Variants in KIRREL3 observed in about 807,000 individuals in gnomAD.
KIRREL3 encodes the protein kirre like nephrin family adhesion molecule 3, also known as kin of IRRE-like protein 3.
A neutral mutation model predicts 89.7 loss-of-function variants in KIRREL3; 36 were observed. That is an observed-to-expected ratio of 0.40 (90% CI 0.31 to 0.53). The LOEUF (loss-of-function observed/expected upper bound fraction) is 0.53, where lower values mean the gene tolerates loss of function less well. Ranked by LOEUF, KIRREL3 falls within the 20% of genes least tolerant of loss-of-function variation. The pLI, the probability that KIRREL3 is intolerant of heterozygous loss-of-function variation, is 0.49. For missense variants in KIRREL3, 864 were observed against 1,056.6 expected (o/e 0.82, Z 2.53); for synonymous variants, 445 against 441.4 (o/e 1.01, Z -0.10).
rs566853766 is a variant in KIRREL3 at position 126,739,176 on chromosome 11, G to A, written c.56-176264C>T. ...GCTCCAAAGCCAAACCCTTCCACCCGTTCCGTGCTATTGTTGGAGATGTGA... is the reference window on the plus strand; with the variant it reads ...GCTCCAAAGCCAAACCCTTCCACCCATTCCGTGCTATTGTTGGAGATGTGA... On this transcript the variant is annotated intron_variant, in intron 1 of 16. Coordinates refer to ENST00000525144, the MANE Select transcript of KIRREL3 (RefSeq NM_032531.4). The surrounding 1 kb of genome is among the most constrained non-coding windows in gnomAD (Gnocchi z 5.5). Among the ~76,000 whole-genome samples, 58 of 152,110 alleles carry A rather than the reference G, an allele frequency of 3.8e-4. No homozygotes were observed. Among genetic ancestry groups the A allele is most frequent in the Admixed American group, 9.8e-4 (15 of 15,304 alleles).
chr11:126,826,118 C>T, intron 1 of KIRREL3, among the ~76,000 whole-genome samples: 1 of 152,108 alleles, frequency 6.6e-6, no homozygotes, highest in East Asian at 1.9e-4. Context: ...ATTACGCTTG[C>T]CCCCAGCTCT....
intron 1 of KIRREL3, among the ~76,000 whole-genome samples, chr11:126,597,164 C>T (rs763927225): frequency 2.0e-5 from 3 of 152,218 alleles, no homozygotes; most frequent in Non-Finnish European, 4.4e-5. Flanking sequence ...ACTACCCACC[C>T]AATCAGAGCC....
chr11:126,646,894 C>G (rs563350542), intron 1 of KIRREL3, among the ~76,000 whole-genome samples: 3 of 152,114 alleles, frequency 2.0e-5, no homozygotes, highest in Admixed American at 1.3e-4. Flanking sequence ...GTTGAGACAA[C>G]GTTTTTCCCC....
intron 6 of KIRREL3, among the ~76,000 whole-genome samples, chr11:126,458,532 G>GC (rs1956447263): frequency 1.3e-5 from 2 of 152,216 alleles, no homozygotes; most frequent in Admixed American, 1.3e-4. Context: ...CTGCCTCCCT[G>GC]CCTAGTGCCA....
chr11:126,960,375 G>A (rs1949048500), intron 1 of KIRREL3, among the ~76,000 whole-genome samples: 1 of 152,118 alleles, frequency 6.6e-6, no homozygotes, highest in Admixed American at 6.5e-5. Flanking sequence ...ATCCAGCCGA[G>A]GACACTGAAC....
intron 2 of KIRREL3, among the ~76,000 whole-genome samples, chr11:126,536,328 T>C (rs908657789): frequency 6.6e-6 from 1 of 152,050 alleles, no homozygotes; most frequent in African/African-American, 2.4e-5. Context: ...CCATAGAGGC[T>C]GGGATCTGAC....
intron 4 of KIRREL3, among the ~76,000 whole-genome samples, chr11:126,479,647 G>A (rs1957168646): frequency 6.6e-6 from 1 of 152,202 alleles, no homozygotes; most frequent in Non-Finnish European, 1.5e-5. Flanking sequence ...TGCTATGAAG[G>A]GAAGGCTCAC....
intron 4 of KIRREL3, among the ~76,000 whole-genome samples, chr11:126,503,020 C>A (rs1314712209): frequency 6.6e-6 from 1 of 152,316 alleles, no homozygotes; most frequent in South Asian, 2.1e-4. Context: ...AAAAGCTTTG[C>A]AGCGCTTAAG....
At chr11:126,716,086 A>G (rs1306664819) in intron 1 of KIRREL3, among the ~76,000 whole-genome samples, 1 of 151,962 alleles carries the variant, frequency 6.6e-6, no homozygotes, top group African/African-American at 2.4e-5. Flanking sequence ...AAAGAAGGAA[A>G]AAGAAGAAAG....
chr11:126,534,208 G>T (rs892984784), intron 2 of KIRREL3, among the ~76,000 whole-genome samples: 1 of 151,778 alleles, frequency 6.6e-6, no homozygotes, highest in Non-Finnish European at 1.5e-5. Context: ...CATGCCCTGT[G>T]GGGGAGAAGA....
At position 126,877,917 on chromosome 11, in the gene KIRREL3, C is replaced by G. The variant is rs1405328247; in HGVS notation, c.55+122538G>C. ...CAGTTGCAGCGTGTTAAGGCTGGAA[C>G]TCCCCCCTAGAGACATAGTCCAAGC... On this transcript the variant is annotated intron_variant, in intron 1 of 16. Coordinates refer to ENST00000525144, the MANE Select transcript of KIRREL3 (RefSeq NM_032531.4). This position sits in a 1 kb window ranked among gnomAD's most constrained non-coding sequence, Gnocchi z 4.9. 6.6e-6 allele frequency among the ~76,000 whole-genome samples: 1 copy of G among 152,098 alleles called. No homozygotes were observed. Among genetic ancestry groups the G allele is most frequent in the Admixed American group, 6.5e-5 (1 of 15,278 alleles).
chr11:126,750,748 A>T lies in KIRREL3; in HGVS notation c.56-187836T>A, dbSNP rs151167060. ...TTATTTTATAGGTAAGGAAGCTGAG[A>T]CCTAGCTATATCACATGGATTGTCC... On this transcript the variant is annotated intron_variant, in intron 1 of 16. Transcript: ENST00000525144. The surrounding 1 kb of genome is among the most constrained non-coding windows in gnomAD (Gnocchi z 4.2). Among the ~76,000 whole-genome samples the T allele has an allele frequency of 2.4e-4, 36 of 152,334 alleles. 1 individual carries two copies. The East Asian group carries it at 6.8e-3, about 29-fold the overall frequency.
intron 1 of KIRREL3, among the ~76,000 whole-genome samples, chr11:126,960,924 T>C (rs781566000): frequency 2.0e-5 from 3 of 152,218 alleles, no homozygotes; most frequent in Non-Finnish European, 2.9e-5. Flanking sequence ...ATATTTCAAA[T>C]ACTTTCATTA....
At chr11:126,922,091 A>G (rs890884658) in intron 1 of KIRREL3, among the ~76,000 whole-genome samples, 12 of 147,198 alleles carry the variant, frequency 8.2e-5, no homozygotes, top group African/African-American at 3.0e-4. Context: ...TCATCTATCT[A>G]TATCTATCTA....
At chr11:126,854,683 C>T (rs1031919936) in intron 1 of KIRREL3, among the ~76,000 whole-genome samples, 6 of 152,160 alleles carry the variant, frequency 3.9e-5, no homozygotes, top group Admixed American at 6.5e-5. Flanking sequence ...GCCATGAACA[C>T]GGATGTACGA....
At chr11:126,616,500 A>C (rs528960186) in intron 1 of KIRREL3, among the ~76,000 whole-genome samples, 1 of 152,324 alleles carries the variant, frequency 6.6e-6, no homozygotes, top group Non-Finnish European at 1.5e-5. Flanking sequence ...TGGTTGTAGC[A>C]GTGGTAAGCA....
rs945376073 is a variant in KIRREL3 at position 126,477,976 on chromosome 11, C to T, written c.434-4510G>A. The stretch of plus-strand genomic sequence containing the variant: ...CAATGCTGGCAGAGTGGGTCTATCA[C>T]CAACACCAAACCCTCCAGGGGCTTC... On this transcript the variant is annotated intron_variant, in intron 4 of 16. Coordinates refer to ENST00000525144, the MANE Select transcript of KIRREL3 (RefSeq NM_032531.4). The surrounding 1 kb of genome is among the most constrained non-coding windows in gnomAD (Gnocchi z 4.8). Among the ~76,000 whole-genome samples the T allele has an allele frequency of 6.6e-6, 1 of 152,222 alleles. No homozygotes were observed. Among genetic ancestry groups the T allele is most frequent in the African/African-American group, 2.4e-5 (1 of 41,454 alleles).
rs529745189 is a variant in KIRREL3, at chr11:126,813,218, G to A, written c.55+187237C>T. On this transcript the variant is annotated intron_variant, in intron 1 of 16. Transcript: ENST00000525144. Reference sequence around the variant, plus strand: ...AAGGACTGTGCCTTCAGATACTTGGGAGGCATGAAGATGAAGGCATTTGCA... The same window carrying A: ...AAGGACTGTGCCTTCAGATACTTGGAAGGCATGAAGATGAAGGCATTTGCA... 3.3e-5 allele frequency among the ~76,000 whole-genome samples: 5 copies of A among 152,294 alleles called. No homozygotes were observed. The South Asian group carries it at 1.0e-3, about 32-fold the overall frequency.
chr11:126,938,073 A>G (rs751727300), intron 1 of KIRREL3, among the ~76,000 whole-genome samples: 8 of 152,186 alleles, frequency 5.3e-5, no homozygotes, highest in Admixed American at 2.0e-4. Flanking sequence ...AAGAGAAACA[A>G]ATGAATCCCT....
Sources: allele counts gnomAD v4.1 joint callset (sites outside exome capture counted in the v4.1 genomes callset), GRCh38; gene constraint gnomAD v4.1.1; non-coding constraint Gnocchi (gnomAD v3.1); transcripts MANE v1.5; gene names NCBI Gene and HGNC (gene_info 2026-07-23, HGNC 2026-07-21).